REXO1: variants seen among roughly 807,000 people sequenced by gnomAD.
REXO1 encodes the protein REX1, RNA exonuclease 1 homolog.
A neutral mutation model predicts 102.6 loss-of-function variants in REXO1; 42 were observed. That is an observed-to-expected ratio of 0.41 (90% CI 0.32 to 0.53). REXO1 has a LOEUF of 0.53. REXO1 is among the 20% of genes least tolerant of loss of function. REXO1 has a pLI of 0.27. For missense variants in REXO1, 1,819 were observed against 1,732.5 expected, an observed-to-expected ratio of 1.05 and a Z score of -0.89; for synonymous variants, 908 against 779.1, an observed-to-expected ratio of 1.17 and a Z score of -2.76.
Position 1,828,070 on chromosome 19 carries a change from T to G in REXO1, c.719A>C (p.Tyr240Ser). 6.2e-7 allele frequency: 1 copy of G among 1,612,728 alleles called. No homozygotes were observed. Among genetic ancestry groups the G allele is most frequent in the Non-Finnish European group, 8.5e-7 (1 of 1,179,770 alleles). ...GGCCCTGCTGAGGTGCCGGGCCGAG[T>G]AGTTGGAGAGAGGGTCATACTCCAG... ...TDLEYDPLSN[Y>S]SARHLSRASS... The change falls in exon 2 of 16, where the codon TAC becomes TCC. Residue 240 changes from tyrosine (Y) to serine (S), a missense_variant. Tyr to Ser is a moderately radical substitution (Grantham distance 144). Transcript: ENST00000170168.
rs1251506606 is a variant in REXO1, at chr19:1,848,235, G to T, written c.124C>A (p.Pro42Thr). ...GGGGGCGCCTCTCCGCCGTCACCGGGCGCGCCGGAGCCCCGGGCCCCGCGG... is the reference window on the plus strand; with the variant it reads ...GGGGGCGCCTCTCCGCCGTCACCGGTCGCGCCGGAGCCCCGGGCCCCGCGG... Reference protein sequence around the residue: ...RHRGARGSGAPGDGGEAPPAA... With the variant: ...RHRGARGSGATGDGGEAPPAA... The change falls in exon 1 of 16, where the codon CCC becomes ACC. Residue 42 changes from proline (P) to threonine (T), a missense_variant. Transcript: ENST00000170168. The T allele has an allele frequency of 1.1e-5, 13 of 1,228,542 alleles. No homozygotes were observed. The highest frequency in any genetic ancestry group is 1.6e-5 in the African/African-American group (1 of 63,748). The allele number at this position is 1,228,542 out of a possible 1,614,324, so 76.1% of individuals were successfully genotyped here. A position where few individuals can be genotyped will look rare whatever the true frequency, so the allele number is the denominator to read the frequency against.
In REXO1 at chr19:1,826,002, C is replaced by T; in HGVS notation, c.1912-59G>A. On this transcript the variant is annotated intron_variant, in intron 2 of 15. Coordinates refer to ENST00000170168, the MANE Select transcript of REXO1 (RefSeq NM_020695.4). This position sits in a 1 kb window ranked among gnomAD's most constrained non-coding sequence, Gnocchi z 4.3. Reference sequence around the variant, plus strand: ...GCCCTCGCTGCCAACACCAACACACCCCAACCTCAAACTGCCCCCGGCAAG... The same window carrying T: ...GCCCTCGCTGCCAACACCAACACACTCCAACCTCAAACTGCCCCCGGCAAG... The T allele has an allele frequency of 1.6e-6, 2 of 1,289,320 alleles. No homozygotes were observed. The highest frequency in any genetic ancestry group is 1.1e-6 in the Non-Finnish European group (1 of 887,826). The allele number at this position is 1,289,320 out of a possible 1,614,324, so 79.9% of individuals were successfully genotyped here. A position where few individuals can be genotyped will look rare whatever the true frequency, so the allele number is the denominator to read the frequency against.
At chr19:1,828,653 G>A in intron 1 of REXO1, 22 bp from the exon 2 acceptor site, 1 of 1,573,792 alleles carries the variant, frequency 6.4e-7, no homozygotes. Flanking sequence ...AGAGAGCACA[G>A]CTGTGACCAG....
chr19:1,835,891 G>A (rs1365194956), intron 1 of REXO1, among the ~76,000 whole-genome samples: 1 of 152,204 alleles, frequency 6.6e-6, no homozygotes, highest in Non-Finnish European at 1.5e-5. Context: ...CCAGGGCAAC[G>A]CAGCCCAGCC....
At chr19:1,819,735 G>T (rs1285451375) in intron 7 of REXO1, among the ~76,000 whole-genome samples, 199 bp downstream of exon 7, 1 of 152,218 alleles carries the variant, frequency 6.6e-6, no homozygotes, top group Non-Finnish European at 1.5e-5. Flanking sequence ...GCGGCTGACA[G>T]CGAGGACACC....
At chr19:1,842,348 A>C (rs2011323773) in intron 1 of REXO1, among the ~76,000 whole-genome samples, 1 of 152,218 alleles carries the variant, frequency 6.6e-6, no homozygotes, top group Non-Finnish European at 1.5e-5. Flanking sequence ...CCAGCACTGA[A>C]GGGTGCTGAG....
intron 1 of REXO1, among the ~76,000 whole-genome samples, chr19:1,834,763 G>A (rs145657807): frequency 2.0e-5 from 3 of 152,306 alleles, no homozygotes; most frequent in African/African-American, 4.8e-5. Context: ...CCTGGAGGCC[G>A]GAGGGCACAC....
intron 6 of REXO1, 51 bp downstream of exon 6, chr19:1,820,213 T>C: frequency 6.3e-7 from 1 of 1,586,334 alleles, no homozygotes; most frequent in South Asian, 1.1e-5. Flanking sequence ...GGGACCACCC[T>C]GGACCCCTAG....
chr19:1,827,648 T>A lies in REXO1; in HGVS notation c.1141A>T (p.Thr381Ser), dbSNP rs747465205. 4 of 1,569,374 alleles carry A rather than the reference T, an allele frequency of 2.5e-6. No homozygotes were observed. The Admixed American group carries it at 6.4e-5, about 25-fold the overall frequency. Residue 381 changes from threonine (T) to serine (S), a missense_variant, in exon 2 of 16, where the codon ACC (threonine) becomes TCC (serine). By Grantham distance (58) the Thr-to-Ser change is moderately conservative. Coordinates refer to ENST00000170168, the MANE Select transcript of REXO1 (RefSeq NM_020695.4). ...PKEGKPKKKKTGAPPAPSCKD... is the reference protein window; with the variant it reads ...PKEGKPKKKKSGAPPAPSCKD... ...CAGCTGGGGGCAGGTGGGGCCCCGG[T>A]TTTTTTCTTCTTGGGTTTTCCCTCC... is the stretch of plus-strand genomic sequence containing the variant.
chr19:1,823,941 A>G (rs2069628798), intron 3 of REXO1, 156 bp from the exon 4 acceptor site: 2 of 397,462 alleles, frequency 5.0e-6, no homozygotes, highest in Non-Finnish European at 8.8e-6. Flanking sequence ...GGGGGGAAGC[A>G]GCAGGGGGCA....
At position 1,816,482 on chromosome 19, in the gene REXO1, A is replaced by C; in HGVS notation, c.3405T>G (p.Ala1135=). The change falls in exon 14 of 16, where the codon GCT becomes GCG. Residue 1135 remains alanine, a synonymous_variant. Coordinates refer to ENST00000170168, the MANE Select transcript of REXO1 (RefSeq NM_020695.4). ...GGCTGTGTCCGATGAGGATGGTGTC[A>C]GCGCTGAACATGCTCAGCAGAACGG... is the stretch of plus-strand genomic sequence containing the variant. ...VQAVLLSMFS[A]DTILIGHSLE... The C allele has an allele frequency of 6.2e-7, 1 of 1,612,570 alleles. No homozygotes were observed. Among genetic ancestry groups the C allele is most frequent in the Non-Finnish European group, 8.5e-7 (1 of 1,179,738 alleles).
Position 1,828,126 on chromosome 19 carries a change from G to A in REXO1, c.663C>T (p.Tyr221=), listed in dbSNP as rs148068101. Reference sequence around the variant, plus strand: ...TGGGTGGCCTGGAGTTGTCCACCACGTACTTGCCACTGGGAACGGGGCGGC... The same window carrying A: ...TGGGTGGCCTGGAGTTGTCCACCACATACTTGCCACTGGGAACGGGGCGGC... ...RHSRPVPSGK[Y]VVDNSRPPTD... is the part of the protein sequence containing the mutation. The change falls in exon 2 of 16, where the codon TAC becomes TAT. Residue 221 remains tyrosine, a synonymous_variant. Transcript: ENST00000170168. 1.6e-5 allele frequency: 26 copies of A among 1,612,516 alleles called. No homozygotes were observed. Among genetic ancestry groups the A allele is most frequent in the South Asian group, 8.8e-5 (8 of 90,986 alleles).
intron 10 of REXO1, 74 bp downstream of exon 10, chr19:1,818,408 C>G (rs1191774159): frequency 8.7e-7 from 1 of 1,154,014 alleles, no homozygotes; most frequent in South Asian, 1.4e-5. Flanking sequence ...TACCCCAGTT[C>G]TGGGGGCCTC....
In REXO1 at chr19:1,815,759, T is replaced by C. The variant is rs112410147; in HGVS notation, c.*307A>G. The C allele has an allele frequency of 4.2e-6, 6 of 1,428,286 alleles. No homozygotes were observed. The highest frequency in any genetic ancestry group is 5.5e-6 in the Non-Finnish European group (6 of 1,086,718). The allele number at this position is 1,428,286 out of a possible 1,614,324, so 88.5% of individuals were successfully genotyped here. ...CGGCCACCACCCGGGAGGGAGGGCC[T>C]GGCAGGAGGGGCAGGAGGGGCTGCG... is the stretch of plus-strand genomic sequence containing the variant. On this transcript the variant is annotated 3_prime_UTR_variant, in exon 16 of 16. Coordinates refer to ENST00000170168, the MANE Select transcript of REXO1 (RefSeq NM_020695.4). The surrounding 1 kb of genome is among the most constrained non-coding windows in gnomAD (Gnocchi z 4.0).
At chr19:1,833,272 G>C (rs1348115494) in intron 1 of REXO1, among the ~76,000 whole-genome samples, 2 of 152,194 alleles carry the variant, frequency 1.3e-5, no homozygotes, top group Non-Finnish European at 2.9e-5. Context: ...AAGGATCCGT[G>C]TGTCTGTTTT....
chr19:1,821,702 G>A lies in REXO1; in HGVS notation c.2231-20C>T. 2 of 1,601,756 alleles carry A rather than the reference G, an allele frequency of 1.2e-6. No individual in the cohort carries two copies. Among genetic ancestry groups the A allele is most frequent in the Non-Finnish European group, 1.7e-6 (2 of 1,176,348 alleles). ...TGGGGGCTGGCGGGGCACAGGGGGTGTGGGCACAGGGCGAGTGGCTGCCCA... is the reference window on the plus strand; with the variant it reads ...TGGGGGCTGGCGGGGCACAGGGGGTATGGGCACAGGGCGAGTGGCTGCCCA... On this transcript the variant is annotated intron_variant, in intron 4 of 15. Coordinates refer to ENST00000170168, the MANE Select transcript of REXO1 (RefSeq NM_020695.4).
intron 5 of REXO1, among the ~76,000 whole-genome samples, chr19:1,821,301 T>C (rs1808829): frequency 0.99 from 149,158 of 149,938 alleles, 74,191 homozygotes; most frequent in Middle Eastern, 1. Flanking sequence ...GCCAAGATCG[T>C]GCCACTGCAC....
At chr19:1,836,427 CG>C (rs933619414) in intron 1 of REXO1, among the ~76,000 whole-genome samples, 1 of 152,110 alleles carries the variant, frequency 6.6e-6, no homozygotes, top group African/African-American at 2.4e-5. Context: ...CCCACCCAGA[CG>C]GGGAGACTCA....
intron 12 of REXO1, 42 bp from the exon 13 acceptor site, chr19:1,816,855 GCCTC>G: frequency 1.4e-6 from 2 of 1,461,922 alleles, no homozygotes; most frequent in Non-Finnish European, 1.9e-6. Flanking sequence ...CCAGGCACCG[GCCTC>G]CCTCCCTCCC....
Sources: allele counts gnomAD v4.1 joint callset (sites outside exome capture counted in the v4.1 genomes callset), GRCh38; gene constraint gnomAD v4.1.1; non-coding constraint Gnocchi (gnomAD v3.1); transcripts MANE v1.5; gene names NCBI Gene and HGNC (gene_info 2026-07-23, HGNC 2026-07-21).